The following STK38L variants were observed in gnomAD, a reference collection of about 807,000 sequenced individuals.
The protein encoded by STK38L is serine/threonine-protein kinase 38-like.
A neutral mutation model predicts 59.7 loss-of-function variants in STK38L; 28 were observed. The ratio of observed to expected loss-of-function variants is 0.47; its 90% confidence interval spans 0.35 to 0.64. STK38L has a LOEUF of 0.64. Ranked by LOEUF, STK38L falls within the 30% of genes least tolerant of loss-of-function variation. The pLI, the probability that STK38L is intolerant of heterozygous loss-of-function variation, is 0.01. For missense variants in STK38L, 314 were observed against 555.8 expected, an observed-to-expected ratio of 0.56 and a Z score of 4.37; for synonymous variants, 162 against 176.8, an observed-to-expected ratio of 0.92 and a Z score of 0.66.
chr12:27,272,086 G>T (rs759208801), intron 1 of STK38L, among the ~76,000 whole-genome samples: 8 of 152,226 alleles, frequency 5.3e-5, no homozygotes, highest in Non-Finnish European at 1.2e-4. Context: ...CTTTCATTAA[G>T]TTGCTGTTAC....
intron 5 of STK38L, among the ~76,000 whole-genome samples, chr12:27,310,827 C>T (rs1944437301): frequency 6.6e-6 from 1 of 152,166 alleles, no homozygotes; most frequent in Non-Finnish European, 1.5e-5. Flanking sequence ...GAAATCTCTC[C>T]GTAGCCTAAC....
At chr12:27,317,129 G>C (rs1944605735) in intron 9 of STK38L, among the ~76,000 whole-genome samples, 1 of 152,120 alleles carries the variant, frequency 6.6e-6, no homozygotes, top group African/African-American at 2.4e-5. Context: ...ATTCCCTCAG[G>C]AAAGTAAATA....
intron 3 of STK38L, among the ~76,000 whole-genome samples, chr12:27,303,795 C>T (rs899125998): frequency 6.6e-6 from 1 of 151,756 alleles, no homozygotes; most frequent in African/African-American, 2.4e-5. Context: ...GGGATGTATA[C>T]AAAATAATGA....
intron 1 of STK38L, among the ~76,000 whole-genome samples, chr12:27,279,374 C>A (rs1943603723): frequency 6.6e-6 from 1 of 152,022 alleles, no homozygotes; most frequent in Non-Finnish European, 1.5e-5. Context: ...TGCAAAAGCT[C>A]TATGCTTATA....
intron 1 of STK38L, among the ~76,000 whole-genome samples, chr12:27,294,804 G>A (rs1943976614): frequency 6.6e-6 from 1 of 151,168 alleles, no homozygotes; most frequent in Admixed American, 6.6e-5. Flanking sequence ...CCTTGAACAA[G>A]GGTTCAAGCA....
At chr12:27,249,565 C>T (rs1266085241) in intron 1 of STK38L, among the ~76,000 whole-genome samples, 8 of 151,968 alleles carry the variant, frequency 5.3e-5, no homozygotes, top group East Asian at 1.9e-4. Flanking sequence ...CTCGAACTCC[C>T]GACCTCAGGT....
intron 1 of STK38L, among the ~76,000 whole-genome samples, chr12:27,248,919 T>C (rs550473588): frequency 6.6e-6 from 1 of 152,382 alleles, no homozygotes; most frequent in African/African-American, 2.4e-5. Flanking sequence ...TACCATGCCC[T>C]GATTGGCAGA....
At chr12:27,284,052 T>G (rs1199986453) in intron 1 of STK38L, among the ~76,000 whole-genome samples, 1 of 152,262 alleles carries the variant, frequency 6.6e-6, no homozygotes, top group African/African-American at 2.4e-5. Context: ...GATAAAATTG[T>G]CATTCTTTGG....
At chr12:27,319,299 A>G (rs2136652796) in intron 11 of STK38L, 29 bp from the exon 12 acceptor site, 1 of 1,450,014 alleles carries the variant, frequency 6.9e-7, no homozygotes, top group Non-Finnish European at 9.7e-7. Flanking sequence ...TAACTTGTGT[A>G]TGATAATTTC....
chr12:27,286,747 G>A (rs146203846), intron 1 of STK38L, among the ~76,000 whole-genome samples: 10 of 152,210 alleles, frequency 6.6e-5, no homozygotes, highest in East Asian at 3.9e-4. Context: ...ATAAATTACC[G>A]TATTCCCTGT....
chr12:27,317,620 C>T (rs1424617015), intron 10 of STK38L, 167 bp downstream of exon 10: 15 of 710,096 alleles, frequency 2.1e-5, no homozygotes, highest in Admixed American at 3.1e-5. Flanking sequence ...GAGCTCCCCA[C>T]GGATCCTGTT....
At chr12:27,271,160 T>A (rs376732416) in intron 1 of STK38L, among the ~76,000 whole-genome samples, 2 of 152,342 alleles carry the variant, frequency 1.3e-5, no homozygotes, top group Non-Finnish European at 2.9e-5. Flanking sequence ...TTGTCTAAGA[T>A]CACACAGCCA....
At chr12:27,310,230 G>A (rs1234690650) in intron 5 of STK38L, among the ~76,000 whole-genome samples, 1 of 152,182 alleles carries the variant, frequency 6.6e-6, no homozygotes, top group East Asian at 1.9e-4. Flanking sequence ...CCAGAGGGAA[G>A]AGGTGTGGAA....
chr12:27,279,193 C>T (rs749207694), intron 1 of STK38L, among the ~76,000 whole-genome samples: 12 of 152,138 alleles, frequency 7.9e-5, no homozygotes, highest in Non-Finnish European at 1.0e-4. Flanking sequence ...AATGCACTTT[C>T]GACTTAGTGA....
At chr12:27,285,721 G>A (rs567272893) in intron 1 of STK38L, among the ~76,000 whole-genome samples, 3 of 152,086 alleles carry the variant, frequency 2.0e-5, no homozygotes, top group East Asian at 1.9e-4. Flanking sequence ...TGGACATACC[G>A]ATGTTTTGAA....
intron 11 of STK38L, 137 bp downstream of exon 11, chr12:27,318,156 A>T: frequency 1.8e-6 from 2 of 1,115,664 alleles, no homozygotes; most frequent in Non-Finnish European, 1.3e-6. Flanking sequence ...AGGTGTTTTT[A>T]AAAATGTAAA....
intron 1 of STK38L, among the ~76,000 whole-genome samples, chr12:27,256,197 C>T (rs1002789774): frequency 6.6e-6 from 1 of 152,238 alleles, no homozygotes; most frequent in Non-Finnish European, 1.5e-5. Flanking sequence ...TTCAGTCTGT[C>T]TTCCATGTGG....
chr12:27,270,310 C>T (rs541301788), intron 1 of STK38L, among the ~76,000 whole-genome samples: 69 of 152,192 alleles, frequency 4.5e-4, no homozygotes, highest in Non-Finnish European at 8.8e-4. Context: ...CAGGCCCAGG[C>T]GATCCTCCCA....
chr12:27,252,478 AGT>A (rs1189757476), intron 1 of STK38L, among the ~76,000 whole-genome samples: 3 of 152,358 alleles, frequency 2.0e-5, no homozygotes, highest in African/African-American at 7.2e-5. Flanking sequence ...TACTTAGTTA[AGT>A]GTCTACCCAC....
Sources: allele counts gnomAD v4.1 joint callset (sites outside exome capture counted in the v4.1 genomes callset), GRCh38; gene constraint gnomAD v4.1.1; transcripts MANE v1.5; gene names NCBI Gene and HGNC (gene_info 2026-07-23, HGNC 2026-07-21).